Variants in BLTP3A observed in about 807,000 individuals in gnomAD.
BLTP3A encodes bridge-like lipid transfer protein family member 3A.
chr6:34,839,639 C>T, the BLTP3A span, among the ~76,000 whole-genome samples: 4 of 152,150 alleles, frequency 2.6e-5, no homozygotes, highest in African/African-American at 4.8e-5. Context: ...AACACTCGGT[C>T]GGTGGGGTGG....
the BLTP3A span, chr6:34,836,241 G>A: frequency 2.2e-5 from 35 of 1,614,060 alleles, no homozygotes; most frequent in African/African-American, 6.7e-5. Flanking sequence ...AGCAGCAGCC[G>A]CCTCAGCCAG....
the BLTP3A span, among the ~76,000 whole-genome samples, chr6:34,846,874 G>T: frequency 6.6e-6 from 1 of 152,094 alleles, no homozygotes; most frequent in Non-Finnish European, 1.5e-5. Context: ...CAGTTTTCCC[G>T]CATTGAGTAT....
At chr6:34,869,583 T>G in the BLTP3A span, among the ~76,000 whole-genome samples, 1 of 151,858 alleles carries the variant, frequency 6.6e-6, no homozygotes, top group Non-Finnish European at 1.5e-5. Flanking sequence ...GGTTGTTGAA[T>G]TAGCTATAAT....
chr6:34,798,707 T>A, the BLTP3A span, among the ~76,000 whole-genome samples: 14 of 150,964 alleles, frequency 9.3e-5, no homozygotes, highest in South Asian at 1.5e-3. Context: ...CACAAGCATA[T>A]ATCAGAACCT....
the BLTP3A span, chr6:34,872,585 C>G: frequency 2.0e-6 from 2 of 1,015,962 alleles, no homozygotes; most frequent in Non-Finnish European, 2.7e-6. Flanking sequence ...TGTGGGTGTG[C>G]TTTCCACTAG....
chr6:34,792,142 T>TGTGTCC, the BLTP3A span: 2 of 922,128 alleles, frequency 2.2e-6, no homozygotes, highest in African/African-American at 7.7e-5. Context: ...CGGCGGCGGC[T>TGTGTCC]GTGTCCGGTG....
the BLTP3A span, among the ~76,000 whole-genome samples, chr6:34,809,669 G>C: frequency 6.6e-6 from 1 of 152,128 alleles, no homozygotes. Flanking sequence ...GGGTTCAAGC[G>C]ATTCTCCTGC....
chr6:34,850,503 T>C, the BLTP3A span, among the ~76,000 whole-genome samples: 1 of 152,194 alleles, frequency 6.6e-6, no homozygotes, highest in African/African-American at 2.4e-5. Flanking sequence ...ATTTGCCCTT[T>C]TGAGGCTATT....
At chr6:34,851,424 T>C in the BLTP3A span, among the ~76,000 whole-genome samples, 2 of 152,178 alleles carry the variant, frequency 1.3e-5, no homozygotes, top group Admixed American at 6.5e-5. Flanking sequence ...TTGGGTAAGA[T>C]CAAGAATTCC....
chr6:34,823,188 A>G, the BLTP3A span: 1 of 1,316,218 alleles, frequency 7.6e-7, no homozygotes, highest in Non-Finnish European at 1.1e-6. Flanking sequence ...TGAATGACAC[A>G]GTCTGTGCTG....
chr6:34,832,611 A>G, the BLTP3A span, among the ~76,000 whole-genome samples: 1 of 151,286 alleles, frequency 6.6e-6, no homozygotes, highest in Non-Finnish European at 1.5e-5. Flanking sequence ...TAATTTTTAA[A>G]TTTTTTTGTA....
the BLTP3A span, among the ~76,000 whole-genome samples, chr6:34,847,244 T>C: frequency 2.0e-5 from 3 of 152,122 alleles, no homozygotes; most frequent in East Asian, 3.9e-4. Context: ...TTTTTTTTTT[T>C]CCAAGAACAC....
chr6:34,856,132 G>A, the BLTP3A span: 2 of 1,371,082 alleles, frequency 1.5e-6, no homozygotes, highest in South Asian at 1.4e-5. Flanking sequence ...TTTCTGCACT[G>A]TGGGTGAGGA....
At chr6:34,836,283 C>T in the BLTP3A span, 2 of 1,614,200 alleles carry the variant, frequency 1.2e-6, no homozygotes, top group Non-Finnish European at 1.7e-6. Flanking sequence ...AAAGAGTCCT[C>T]CTACCATCTG....
At chr6:34,799,456 C>T in the BLTP3A span, among the ~76,000 whole-genome samples, 11 of 151,064 alleles carry the variant, frequency 7.3e-5, no homozygotes, top group African/African-American at 2.7e-4. Context: ...TGCCACTGCA[C>T]TCCAGCCTGG....
At chr6:34,831,122 C>T in the BLTP3A span, among the ~76,000 whole-genome samples, 1 of 144,214 alleles carries the variant, frequency 6.9e-6, no homozygotes, top group Non-Finnish European at 1.5e-5. Context: ...ATACTGATCA[C>T]TCTTAATTTT....
chr6:34,796,563 A>G, the BLTP3A span, among the ~76,000 whole-genome samples: 2 of 152,200 alleles, frequency 1.3e-5, no homozygotes, highest in African/African-American at 4.8e-5. Context: ...TTCAAAATTG[A>G]TTTTTCACTA....
the BLTP3A span, chr6:34,857,610 C>G: frequency 1.4e-6 from 2 of 1,447,262 alleles, no homozygotes; most frequent in Non-Finnish European, 9.4e-7. Flanking sequence ...GTTAAACACT[C>G]TGCCCTGTAT....
the BLTP3A span, chr6:34,871,831 A>T: frequency 1.2e-6 from 2 of 1,614,160 alleles, no homozygotes; most frequent in Non-Finnish European, 8.5e-7. Context: ...GCTGCTCAGG[A>T]CAAACCATCA....
Sources: gnomAD v4.1 joint callset for allele counts (sites outside exome capture counted in the v4.1 genomes callset) on GRCh38, gnomAD v4.1.1 for gene constraint, MANE v1.5 for transcripts, NCBI Gene and HGNC (gene_info 2026-07-23, HGNC 2026-07-21) for gene names.